RARG: variants seen among roughly 807,000 people sequenced by gnomAD.
The protein encoded by RARG is retinoic acid receptor gamma.
In RARG, 17 loss-of-function variants were observed where a neutral mutation model predicts 43.7. The observed-to-expected ratio is 0.39, with a 90% CI of 0.27 to 0.58. The LOEUF is 0.58. Among genes scored for constraint, RARG ranks in the 20% least tolerant of loss-of-function variants. RARG has a pLI of 0.57. For missense variants in RARG, 346 were observed against 598.7 expected (o/e 0.58, Z 4.40); for synonymous variants, 238 against 236.4 (o/e 1.01, Z -0.06).
chr12:53,216,123 T>C (rs936316117), intron 3 of RARG, among the ~76,000 whole-genome samples: 2 of 152,236 alleles, frequency 1.3e-5, no homozygotes, highest in Non-Finnish European at 2.9e-5. Context: ...TCTGGGCCTG[T>C]TTCCCTAACT....
intron 9 of RARG, among the ~76,000 whole-genome samples, chr12:53,212,259 A>G (rs1486251536): frequency 1.3e-5 from 2 of 152,248 alleles, no homozygotes; most frequent in Non-Finnish European, 2.9e-5. Context: ...TATGTTCCAG[A>G]CATCCTTCTA....
Position 53,211,486 on chromosome 12 carries a change from G to A in RARG, c.*190C>T. On this transcript the variant is annotated 3_prime_UTR_variant, in exon 10 of 10. Coordinates refer to ENST00000425354, the MANE Select transcript of RARG (RefSeq NM_000966.6). This position sits in a 1 kb window ranked among gnomAD's most constrained non-coding sequence, Gnocchi z 4.6. ...CAGGGCAGGCCCCCGGGACTGGCGA[G>A]GGAGCCGGTTAGATCAGGAAGGGGA... 4.0e-6 allele frequency: 2 copies of A among 493,900 alleles called. No individual in the cohort carries two copies. Among genetic ancestry groups the A allele is most frequent in the Non-Finnish European group, 6.8e-6 (2 of 295,986 alleles). 30.6% of individuals were successfully genotyped at this position (493,900 alleles called of 1,614,324 possible).
Position 53,227,402 on chromosome 12 carries a change from G to A in RARG, c.144C>T (p.Gly48=). 6.2e-7 allele frequency: 1 copy of A among 1,600,006 alleles called. No homozygotes were observed. ...PFEMLSPSFR[G]LGQPDLPKEM... ...CCTTGGGGAGGTCAGGCTGGCCCAG[G>A]CCCCGGAAGCTAGGGCTCAGCATCT... Residue 48 remains glycine (G), a synonymous_variant, in exon 3 of 10, where the codon GGC becomes GGT. Coordinates refer to ENST00000425354, the MANE Select transcript of RARG (RefSeq NM_000966.6). The surrounding 1 kb of genome is among the most constrained non-coding windows in gnomAD (Gnocchi z 4.3).
chr12:53,223,791 C>G (rs1424686233), intron 3 of RARG, among the ~76,000 whole-genome samples: 1 of 152,164 alleles, frequency 6.6e-6, no homozygotes, highest in Non-Finnish European at 1.5e-5. Context: ...TTTTCAGTTT[C>G]TTTTAAGCAA....
intron 3 of RARG, among the ~76,000 whole-genome samples, chr12:53,216,203 G>A (rs1458508677): frequency 1.3e-5 from 2 of 152,240 alleles, no homozygotes; most frequent in East Asian, 3.9e-4. Flanking sequence ...TGTCTCTTTG[G>A]TATATCTTTG....
chr12:53,221,008 C>A (rs571123582), intron 3 of RARG, among the ~76,000 whole-genome samples: 3 of 152,110 alleles, frequency 2.0e-5, no homozygotes, highest in East Asian at 1.9e-4. Context: ...CCTTCCTTCC[C>A]GTCTCCCCAC....
Position 53,211,161 on chromosome 12 carries a change from C to T in RARG, c.*515G>A, listed in dbSNP as rs936127769. On this transcript the variant is annotated 3_prime_UTR_variant, in exon 10 of 10. Coordinates refer to ENST00000425354, the MANE Select transcript of RARG (RefSeq NM_000966.6). This position sits in a 1 kb window ranked among gnomAD's most constrained non-coding sequence, Gnocchi z 4.6. ...CCAGAAATGCAGGGCCCAGCCTGCC[C>T]CCACCTTGACCTGGCACAAGGACGG... 6.5e-6 allele frequency: 1 copy of T among 153,060 alleles called. No individual in the cohort carries two copies. Among genetic ancestry groups the T allele is most frequent in the African/African-American group, 2.4e-5 (1 of 41,456 alleles). The allele number at this position is 153,060 out of a possible 1,614,324, so 9.5% of individuals were successfully genotyped here. A position where few individuals can be genotyped will look rare whatever the true frequency, so the allele number is the denominator to read the frequency against.
At chr12:53,223,534 G>A (rs953337105) in intron 3 of RARG, among the ~76,000 whole-genome samples, 49 of 42,024 alleles carry the variant, frequency 1.2e-3, no homozygotes, top group Non-Finnish European at 3.1e-4. Context: ...CCCCCCCCCC[G>A]CCCAAGAGGT....
intron 9 of RARG, among the ~76,000 whole-genome samples, chr12:53,212,072 C>A (rs1166405526): frequency 6.6e-6 from 1 of 152,214 alleles, no homozygotes; most frequent in Admixed American, 6.5e-5. Context: ...CCTTCTCTAC[C>A]AGGCTTGCTG....
In RARG at chr12:53,215,543, A is replaced by G; in HGVS notation, c.333+103T>C. The G allele has an allele frequency of 6.3e-7, 1 of 1,585,622 alleles. No homozygotes were observed. Among genetic ancestry groups the G allele is most frequent in the Non-Finnish European group, 8.6e-7 (1 of 1,160,410 alleles). ...GCCTGACCTAATCTATTAACCACCT[A>G]TGTGCAAAGCAGTGCTGCTCAGACA... is the stretch of plus-strand genomic sequence containing the variant. On this transcript the variant is annotated intron_variant, in intron 4 of 9. Transcript: ENST00000425354. This position sits in a 1 kb window ranked among gnomAD's most constrained non-coding sequence, Gnocchi z 6.4.
chr12:53,214,447 G>A lies in RARG; in HGVS notation c.635C>T (p.Thr212Met), dbSNP rs897676400. The change falls in exon 6 of 10, where the codon ACG (threonine) becomes ATG (methionine). Residue 212 changes from threonine to methionine, a missense_variant and splice_region_variant. Thr to Met is a moderately conservative substitution (Grantham distance 81). Coordinates refer to ENST00000425354, the MANE Select transcript of RARG (RefSeq NM_000966.6). ...PSLCQLGKYT[T>M]NSSADHRVQL... ...CACTGGGCTCTGCCCATTCCTCACCGTGGTATACTTGCCCAGCTGGCAGAG... is the reference window on the plus strand; with the variant it reads ...CACTGGGCTCTGCCCATTCCTCACCATGGTATACTTGCCCAGCTGGCAGAG... The A allele has an allele frequency of 3.7e-6, 6 of 1,612,502 alleles. No homozygotes were observed. The highest frequency in any genetic ancestry group is 5.1e-6 in the Non-Finnish European group (6 of 1,178,870).
chr12:53,229,193 A>G (rs964957953), intron 2 of RARG, among the ~76,000 whole-genome samples: 1 of 152,270 alleles, frequency 6.6e-6, no homozygotes, highest in East Asian at 1.9e-4. Context: ...ACAGACTGCT[A>G]TGAAGGGCAG....
Position 53,227,668 on chromosome 12 carries a change from C to A in RARG, c.-123G>T. The A allele has an allele frequency of 7.6e-7, 1 of 1,323,914 alleles. No individual in the cohort carries two copies. The highest frequency in any genetic ancestry group is 2.0e-5 in the South Asian group (1 of 50,472). 82.0% of individuals were successfully genotyped at this position (1,323,914 alleles called of 1,614,324 possible). On this transcript the variant is annotated 5_prime_UTR_variant, in exon 3 of 10. Coordinates refer to ENST00000425354, the MANE Select transcript of RARG (RefSeq NM_000966.6). This position sits in a 1 kb window ranked among gnomAD's most constrained non-coding sequence, Gnocchi z 4.3. ...TCCGTACCCGCCCTGCCTGGCCTGCCCACTGGGCCTCCAAAAGTCCTAGGG... is the reference window on the plus strand; with the variant it reads ...TCCGTACCCGCCCTGCCTGGCCTGCACACTGGGCCTCCAAAAGTCCTAGGG...
chr12:53,216,790 T>C (rs1280344179), intron 3 of RARG, among the ~76,000 whole-genome samples: 2 of 151,742 alleles, frequency 1.3e-5, no homozygotes, highest in Middle Eastern at 3.4e-3. Flanking sequence ...GGGGAGGACA[T>C]GCTCTGCTCT....
rs3782152 is a variant in RARG, at chr12:53,216,099, C to T, written c.185-305G>A. Among the ~76,000 whole-genome samples the T allele has an allele frequency of 8.4e-3, 1,286 of 152,258 alleles. 16 individuals carry two copies. The highest frequency in any genetic ancestry group is 0.032 in the East Asian group (167 of 5,186). On this transcript the variant is annotated intron_variant, in intron 3 of 9. Coordinates refer to ENST00000425354, the MANE Select transcript of RARG (RefSeq NM_000966.6). The stretch of plus-strand genomic sequence containing the variant: ...TCCAAATTCCAGACCAAGGCCATTC[C>T]GGAAATTGACTTCTCTGGGCCTGTT...
At chr12:53,214,026 G>T (rs780162131) in intron 7 of RARG, 33 bp downstream of exon 7, 1 of 1,594,208 alleles carries the variant, frequency 6.3e-7, no homozygotes, top group Non-Finnish European at 8.6e-7. Flanking sequence ...TATGTGGGTC[G>T]GGCTGTGGCA....
At chr12:53,220,633 C>T (rs1167319795) in intron 3 of RARG, among the ~76,000 whole-genome samples, 1 of 152,202 alleles carries the variant, frequency 6.6e-6, no homozygotes, top group African/African-American at 2.4e-5. Context: ...TGCAAACACA[C>T]CTTGCTCGGG....
Position 53,231,993 on chromosome 12 carries a change from G to A in RARG, c.-229C>T, listed in dbSNP as rs1943246838. 6 of 397,116 alleles carry A rather than the reference G, an allele frequency of 1.5e-5. No homozygotes were observed. Among genetic ancestry groups the A allele is most frequent in the Middle Eastern group, 6.2e-4 (1 of 1,612 alleles). The allele number at this position is 397,116 out of a possible 1,614,324, so 24.6% of individuals were successfully genotyped here. ...ACTCACCTGGAGTGGGAGGGGGAAGGGAGGCGGCGGAGCCCCGAGGTCCCG... is the reference window on the plus strand; with the variant it reads ...ACTCACCTGGAGTGGGAGGGGGAAGAGAGGCGGCGGAGCCCCGAGGTCCCG... On this transcript the variant is annotated 5_prime_UTR_variant, in exon 1 of 10. Coordinates refer to ENST00000425354, the MANE Select transcript of RARG (RefSeq NM_000966.6).
chr12:53,226,284 C>T lies in RARG; in HGVS notation c.184+1078G>A, dbSNP rs566369001. On this transcript the variant is annotated intron_variant, in intron 3 of 9. Transcript: ENST00000425354. ...CTGGGATTACATGCATGCGCCACCACGCCCACTAATTTTTGTATTTTTAGT... is the reference window on the plus strand; with the variant it reads ...CTGGGATTACATGCATGCGCCACCATGCCCACTAATTTTTGTATTTTTAGT... Among the ~76,000 whole-genome samples the T allele has an allele frequency of 1.5e-4, 23 of 151,858 alleles. No individual in the cohort carries two copies. The East Asian group carries it at 3.9e-3, about 26-fold the overall frequency.
Sources: allele counts gnomAD v4.1 joint callset (sites outside exome capture counted in the v4.1 genomes callset), GRCh38; gene constraint gnomAD v4.1.1; non-coding constraint Gnocchi (gnomAD v3.1); transcripts MANE v1.5; gene names NCBI Gene and HGNC (gene_info 2026-07-23, HGNC 2026-07-21).